RANBP1: variants seen among roughly 807,000 people sequenced by gnomAD.
The protein encoded by RANBP1 is RAN binding protein 1, also known as ran-specific GTPase-activating protein.
In RANBP1, 16 loss-of-function variants were observed where a neutral mutation model predicts 31.4. The ratio of observed to expected loss-of-function variants is 0.51; its 90% CI spans 0.34 to 0.77. The LOEUF is 0.77. RANBP1 is among the 30% of genes least tolerant of loss of function. The pLI, the probability that RANBP1 is intolerant of heterozygous loss-of-function variation, is 0.01. For missense variants in RANBP1, 265 were observed against 362.0 expected, an observed-to-expected ratio of 0.73 and a Z score of 2.17; for synonymous variants, 129 against 140.5, an observed-to-expected ratio of 0.92 and a Z score of 0.58.
At chr22:20,122,964 G>T in intron 3 of RANBP1, among the ~76,000 whole-genome samples, 1 of 121,814 alleles carries the variant, frequency 8.2e-6, no homozygotes, top group East Asian at 2.6e-4. Flanking sequence ...TGGTGTTTGG[G>T]GGTGTGTAGT....
chr22:20,120,413 G>A (rs955371119), intron 2 of RANBP1, among the ~76,000 whole-genome samples: 2 of 152,224 alleles, frequency 1.3e-5, no homozygotes, highest in African/African-American at 4.8e-5. Context: ...AGGTGCTCCT[G>A]GTGGCCTGGG....
At chr22:20,122,770 G>GGTGTC (rs2050204042) in intron 3 of RANBP1, 1 of 436,722 alleles carries the variant, frequency 2.3e-6, no homozygotes, top group Non-Finnish European at 2.8e-6. Flanking sequence ...TGTGGTGTCT[G>GGTGTC]GGGGGTGGGG....
At chr22:20,118,431 T>G in intron 1 of RANBP1, 1 of 863,198 alleles carries the variant, frequency 1.2e-6, no homozygotes, top group Non-Finnish European at 1.4e-6. Flanking sequence ...TTAACTTAGT[T>G]TTCTGAACTG....
At chr22:20,126,563 T>A in intron 5 of RANBP1, 195 bp downstream of exon 5, 1 of 1,556,092 alleles carries the variant, frequency 6.4e-7, no homozygotes, top group Non-Finnish European at 8.7e-7. Flanking sequence ...TCAGTGTTGC[T>A]GGCCTCAGTC....
chr22:20,122,930 G>C (rs1230966219), intron 3 of RANBP1, among the ~76,000 whole-genome samples: 4 of 138,182 alleles, frequency 2.9e-5, no homozygotes, highest in African/African-American at 1.1e-4. Flanking sequence ...GTGGTGTCTG[G>C]GGCGGGGGTT....
intron 1 of RANBP1, chr22:20,116,768 T>G: frequency 1.5e-6 from 2 of 1,371,570 alleles, no homozygotes; most frequent in Non-Finnish European, 9.9e-7. Context: ...TCCCGTCTCC[T>G]TTCCTCCCCT....
chr22:20,116,641 T>G, intron 1 of RANBP1: 1 of 1,520,926 alleles, frequency 6.6e-7, no homozygotes, highest in Non-Finnish European at 8.8e-7. Flanking sequence ...GGTGCTAGGG[T>G]GAGGACTAGG....
chr22:20,118,938 C>T, intron 1 of RANBP1, 75 bp from the exon 2 acceptor site: 1 of 1,479,504 alleles, frequency 6.8e-7, no homozygotes, highest in South Asian at 1.2e-5. Context: ...GGGCTGACCA[C>T]TGCAGGCACT....
chr22:20,120,143 G>T (rs2050143033), intron 2 of RANBP1, among the ~76,000 whole-genome samples: 1 of 152,222 alleles, frequency 6.6e-6, no homozygotes, highest in African/African-American at 2.4e-5. Flanking sequence ...AGGTTTTGTT[G>T]CTCTGGGGTG....
intron 3 of RANBP1, among the ~76,000 whole-genome samples, chr22:20,123,491 G>A (rs2050233279): frequency 7.0e-6 from 1 of 142,944 alleles, no homozygotes; most frequent in Non-Finnish European, 1.5e-5. Flanking sequence ...TATCGCGGTG[G>A]GGGTGTGTGT....
chr22:20,118,267 T>C, intron 1 of RANBP1: 1 of 1,002,450 alleles, frequency 1.0e-6, no homozygotes, highest in Non-Finnish European at 1.2e-6. Flanking sequence ...CCAGTTTGAG[T>C]CTAGTGGTGA....
At chr22:20,118,935 C>G (rs2050114758) in intron 1 of RANBP1, 78 bp from the exon 2 acceptor site, 1 of 1,473,542 alleles carries the variant, frequency 6.8e-7, no homozygotes, top group Admixed American at 2.0e-5. Flanking sequence ...GGAGGGCTGA[C>G]CACTGCAGGC....
chr22:20,125,017 AAC>A (rs1429354055), intron 3 of RANBP1: 13 of 391,604 alleles, frequency 3.3e-5, no homozygotes, highest in Middle Eastern at 1.6e-3. Flanking sequence ...AGTGATCTTG[AAC>A]ACAGCTCAGG....
intron 4 of RANBP1, 73 bp downstream of exon 4, chr22:20,125,509 CA>C (rs1441681345): frequency 6.5e-7 from 1 of 1,550,346 alleles, no homozygotes; most frequent in Non-Finnish European, 8.7e-7. Flanking sequence ...TTATGTGCAA[CA>C]AATGCTGTTG....
chr22:20,122,197 T>C, intron 2 of RANBP1, 67 bp from the exon 3 acceptor site: 1 of 1,555,976 alleles, frequency 6.4e-7, no homozygotes, highest in Non-Finnish European at 8.8e-7. Flanking sequence ...TTGTCCTGTG[T>C]CCTCCTGCGC....
intron 1 of RANBP1, chr22:20,117,997 C>G (rs2050081953): frequency 1.0e-6 from 1 of 997,542 alleles, no homozygotes; most frequent in Non-Finnish European, 1.2e-6. Flanking sequence ...CCGGCTCGGC[C>G]CACTTGGGGC....
At chr22:20,119,745 G>A (rs2050135131) in intron 2 of RANBP1, among the ~76,000 whole-genome samples, 1 of 152,300 alleles carries the variant, frequency 6.6e-6, no homozygotes, top group East Asian at 1.9e-4. Flanking sequence ...TCGATCTCCT[G>A]ACCTCATGAT....
intron 2 of RANBP1, 59 bp downstream of exon 2, chr22:20,119,208 G>A (rs1383189996): frequency 2.0e-6 from 3 of 1,534,188 alleles, no homozygotes; most frequent in Non-Finnish European, 2.7e-6. Flanking sequence ...CAACTTTTAT[G>A]GGTGTCCAGG....
intron 1 of RANBP1, chr22:20,118,456 G>A: frequency 1.4e-6 from 1 of 723,700 alleles, no homozygotes; most frequent in Non-Finnish European, 1.7e-6. Context: ...AAAATTGCTG[G>A]CAGAGCTGTG....
Sources: allele counts gnomAD v4.1 joint callset (sites outside exome capture counted in the v4.1 genomes callset), GRCh38; gene constraint gnomAD v4.1.1; transcripts MANE v1.5; gene names NCBI Gene and HGNC (gene_info 2026-07-23, HGNC 2026-07-21).